The following MSH3 variants were observed in gnomAD, a reference collection of about 807,000 sequenced individuals.
The protein encoded by MSH3 is mutS homolog 3.
MSH3 carries 106 observed loss-of-function variants against 123.3 expected under a neutral mutation model. The ratio of observed to expected loss-of-function variants is 0.86; its 90% CI spans 0.73 to 1.01. The LOEUF (loss-of-function observed/expected upper bound fraction) is 1.01, where lower values mean the gene tolerates loss of function less well. Among genes scored for constraint, MSH3 ranks in the 50% least tolerant of loss-of-function variants. MSH3 has a pLI of 0.00. For missense variants in MSH3, 1,459 were observed against 1,347.6 expected (o/e 1.08, Z -1.29); for synonymous variants, 515 against 481.4 (o/e 1.07, Z -0.91).
At chr5:80,679,372 A>C (rs1341406615) in intron 8 of MSH3, among the ~76,000 whole-genome samples, 2 of 152,178 alleles carry the variant, frequency 1.3e-5, no homozygotes, top group African/African-American at 4.8e-5. Context: ...ATATCTAAAA[A>C]ACAAATAGAA....
chr5:80,796,403 G>A (rs1013629038), intron 19 of MSH3, among the ~76,000 whole-genome samples: 10 of 148,372 alleles, frequency 6.7e-5, no homozygotes, highest in East Asian at 5.9e-4. Flanking sequence ...CAGAATATTC[G>A]TTTCTATTAC....
chr5:80,810,964 A>G (rs1450919927), intron 19 of MSH3, among the ~76,000 whole-genome samples: 1 of 152,008 alleles, frequency 6.6e-6, no homozygotes, highest in East Asian at 1.9e-4. Context: ...TGAGCATCAT[A>G]TTGTTGCTCA....
At chr5:80,735,240 C>G (rs965566999) in intron 10 of MSH3, among the ~76,000 whole-genome samples, 3 of 151,870 alleles carry the variant, frequency 2.0e-5, no homozygotes, top group Non-Finnish European at 4.4e-5. Flanking sequence ...AAAAATTAGC[C>G]GGGCATGGTG....
In MSH3 at chr5:80,678,941, C is replaced by G. The variant is rs1386378600; in HGVS notation, c.1188C>G (p.Ala396=). The G allele has an allele frequency of 6.8e-6, 11 of 1,614,050 alleles. No homozygotes were observed. Among genetic ancestry groups the G allele is most frequent in the Non-Finnish European group, 9.3e-6 (11 of 1,180,004 alleles). The part of the protein sequence containing the change: ...IFIGIVGVQP[A]TGEVVFDSFQ... Reference sequence around the variant, plus strand: ...TTTGTTTTTAGGGAGTGCAGCCTGCCACAGGCGAGGTTGTGTTTGATAGTT... The same window carrying G: ...TTTGTTTTTAGGGAGTGCAGCCTGCGACAGGCGAGGTTGTGTTTGATAGTT... Residue 396 remains alanine (A), a synonymous_variant, in exon 8 of 24, where the codon GCC becomes GCG. Coordinates refer to ENST00000265081, the MANE Select transcript of MSH3 (RefSeq NM_002439.5).
intron 10 of MSH3, among the ~76,000 whole-genome samples, chr5:80,733,095 G>A (rs1666660755): frequency 6.6e-6 from 1 of 152,080 alleles, no homozygotes; most frequent in Admixed American, 6.5e-5. Context: ...ACAGTGTGGA[G>A]GGTGGGATTA....
intron 8 of MSH3, among the ~76,000 whole-genome samples, chr5:80,689,935 G>C (rs547903105): frequency 6.6e-6 from 1 of 152,120 alleles, no homozygotes; most frequent in East Asian, 1.9e-4. Context: ...TGTCCAAGCT[G>C]GATTGCAGTG....
intron 20 of MSH3, among the ~76,000 whole-genome samples, chr5:80,841,410 G>A (rs1207216533): frequency 6.6e-6 from 1 of 152,154 alleles, no homozygotes; most frequent in South Asian, 2.1e-4. Context: ...AATCCTTTGG[G>A]TATATACCCA....
chr5:80,720,720 T>A (rs563549459), intron 8 of MSH3, among the ~76,000 whole-genome samples: 18 of 152,208 alleles, frequency 1.2e-4, no homozygotes, highest in Non-Finnish European at 1.2e-4. Context: ...TTTTTCTTTT[T>A]TTTTCTTATC....
At chr5:80,759,720 A>C (rs1743997701) in intron 12 of MSH3, among the ~76,000 whole-genome samples, 1 of 152,172 alleles carries the variant, frequency 6.6e-6, no homozygotes, top group Non-Finnish European at 1.5e-5. Context: ...TGGAAAAAGG[A>C]ATGGAAGTGG....
chr5:80,836,338 C>A (rs1367701166), intron 20 of MSH3, among the ~76,000 whole-genome samples: 1 of 152,116 alleles, frequency 6.6e-6, no homozygotes, highest in Admixed American at 6.5e-5. Context: ...AGACACTCTG[C>A]TTAACACTTG....
chr5:80,853,508 T>C (rs1353923987), intron 20 of MSH3, among the ~76,000 whole-genome samples: 3 of 151,998 alleles, frequency 2.0e-5, no homozygotes, highest in Admixed American at 6.6e-5. Flanking sequence ...AGTCTCATAC[T>C]AAAGGCTTTA....
chr5:80,785,169 T>C (rs980277256), intron 17 of MSH3, among the ~76,000 whole-genome samples: 7 of 152,236 alleles, frequency 4.6e-5, no homozygotes, highest in Non-Finnish European at 7.3e-5. Flanking sequence ...AAACCCACAC[T>C]ACAATAGAGA....
intron 20 of MSH3, among the ~76,000 whole-genome samples, chr5:80,828,527 C>A (rs78009602): frequency 0.031 from 4,777 of 152,276 alleles, 231 homozygotes; most frequent in African/African-American, 0.11. Flanking sequence ...CAAATACATT[C>A]ATTCCATGTT....
At chr5:80,835,637 G>A (rs1428993889) in intron 20 of MSH3, among the ~76,000 whole-genome samples, 2 of 152,080 alleles carry the variant, frequency 1.3e-5, no homozygotes, top group African/African-American at 4.8e-5. Context: ...ATATGAGACC[G>A]GGTATGGTGG....
intron 8 of MSH3, among the ~76,000 whole-genome samples, chr5:80,708,673 T>C (rs1561451088): frequency 6.6e-6 from 1 of 152,156 alleles, no homozygotes; most frequent in Non-Finnish European, 1.5e-5. Flanking sequence ...AGGTTTTGTT[T>C]TGAATTTGAC....
At chr5:80,845,154 A>T (rs1217704492) in intron 20 of MSH3, among the ~76,000 whole-genome samples, 1 of 152,102 alleles carries the variant, frequency 6.6e-6, no homozygotes, top group Non-Finnish European at 1.5e-5. Context: ...TCTCCCCCAC[A>T]TATGAAGCTT....
chr5:80,755,345 C>T (rs1441449497), intron 12 of MSH3, among the ~76,000 whole-genome samples: 1 of 152,152 alleles, frequency 6.6e-6, no homozygotes, highest in Non-Finnish European at 1.5e-5. Flanking sequence ...CACAAACGAC[C>T]TGCAGCAAAT....
chr5:80,656,543 G>T lies in MSH3; in HGVS notation c.358+12G>T, dbSNP rs777793971. ...GTCTGGCAACTCTGGTGAGTTGTGG[G>T]GGATTCTTTTTTCTCCTCAGTCATG... On this transcript the variant is annotated intron_variant, in intron 2 of 23. Coordinates refer to ENST00000265081, the MANE Select transcript of MSH3 (RefSeq NM_002439.5). The T allele has an allele frequency of 3.1e-6, 5 of 1,614,008 alleles. No individual in the cohort carries two copies. Among genetic ancestry groups the T allele is most frequent in the Non-Finnish European group, 4.2e-6 (5 of 1,179,938 alleles).
chr5:80,874,599 T>G (rs1746274584), intron 23 of MSH3, among the ~76,000 whole-genome samples: 1 of 152,200 alleles, frequency 6.6e-6, no homozygotes, highest in Non-Finnish European at 1.5e-5. Context: ...TTATTGTTCT[T>G]TTTCTCTGAA....
Sources: gnomAD v4.1 joint callset for allele counts (sites outside exome capture counted in the v4.1 genomes callset) on GRCh38, gnomAD v4.1.1 for gene constraint, MANE v1.5 for transcripts, NCBI Gene and HGNC (gene_info 2026-07-23, HGNC 2026-07-21) for gene names.